Variants in ZNF518A observed in about 807,000 individuals in gnomAD.
The protein encoded by ZNF518A is zinc finger protein 518.
Under a neutral mutation model 102.7 loss-of-function variants are expected in ZNF518A, and 47 were observed. The observed-to-expected ratio is 0.46, with a 90% CI of 0.36 to 0.58. The LOEUF (loss-of-function observed/expected upper bound fraction) is 0.58. ZNF518A is among the 20% of genes least tolerant of loss of function. The pLI is 0.00. For missense variants in ZNF518A, 1,793 were observed against 1,699.8 expected (o/e 1.05, Z -0.96); for synonymous variants, 652 against 594.6 (o/e 1.10, Z -1.40).
rs1401834233 is a variant in ZNF518A at position 96,159,615 on chromosome 10, T to C, written c.3293T>C (p.Leu1098Ser). The C allele has an allele frequency of 1.2e-6, 2 of 1,613,872 alleles. No individual in the cohort carries two copies. Among genetic ancestry groups the C allele is most frequent in the African/African-American group, 2.7e-5 (2 of 75,056 alleles). Residue 1098 changes from leucine (L) to serine (S), a missense_variant, in exon 6 of 6, where the codon TTG becomes TCG. By Grantham distance (145) the Leu-to-Ser change is moderately radical. Around this residue, in one of 3 missense-constraint regions of ZNF518A, gnomAD observed 1,741 missense variants for 1,622.6 expected, o/e 1.07. Transcript: ENST00000316045. ...IFPKPPLYTFLPDGKQAVFLK... is the reference protein window; with the variant it reads ...IFPKPPLYTFSPDGKQAVFLK... Reference sequence around the variant, plus strand: ...CCAAAACCACCTCTTTATACCTTCTTGCCTGATGGCAAACAAGCTGTTTTT... The same window carrying C: ...CCAAAACCACCTCTTTATACCTTCTCGCCTGATGGCAAACAAGCTGTTTTT...
At chr10:96,192,159 C>T (rs2083342646) in intron 1 of ZNF518A, 5 of 1,587,480 alleles carry the variant, frequency 3.1e-6, no homozygotes, top group Admixed American at 1.7e-5. Context: ...CCACTCCTCC[C>T]ATCTTCTCTC....
chr10:96,149,405 CCTAAAA>C (rs2082325472), intron 3 of ZNF518A, among the ~76,000 whole-genome samples: 1 of 152,152 alleles, frequency 6.6e-6, no homozygotes. Context: ...CCTGGTCTCC[CCTAAAA>C]CAAAGATTCG....
rs2081287022 is a variant in ZNF518A, at chr10:96,130,708, GCCCTGC to G, written c.-496_-491del. The G allele has an allele frequency of 6.6e-6, 1 of 152,334 alleles. No homozygotes were observed. Among genetic ancestry groups the G allele is most frequent in the Non-Finnish European group, 1.5e-5 (1 of 68,140 alleles). The allele number at this position is 152,334 out of a possible 1,614,324, so 9.4% of individuals were successfully genotyped here. ...ATTGGGGGCCATTTCTTGCAGAGAT[GCCCTGC>G]TCCCTGACGCGCTCGCTCTTCTCCA... On this transcript the variant is annotated 5_prime_UTR_variant, in exon 1 of 6. Transcript: ENST00000316045.
downstream of ZNF518A, among the ~76,000 whole-genome samples, chr10:96,167,028 A>G (rs1184886467): frequency 6.6e-6 from 1 of 152,226 alleles, no homozygotes; most frequent in East Asian, 1.9e-4. Flanking sequence ...GTGTTACCTA[A>G]AATGTCCAGT....
chr10:96,204,451 G>A, downstream of ZNF518A: 1 of 1,392,700 alleles, frequency 7.2e-7, no homozygotes, highest in Non-Finnish European at 1.0e-6. Flanking sequence ...GCAAGTCAGT[G>A]TCACTGTGCA....
At chr10:96,133,167 T>G (rs1341187814) in intron 2 of ZNF518A, among the ~76,000 whole-genome samples, 1 of 152,160 alleles carries the variant, frequency 6.6e-6, no homozygotes, top group Non-Finnish European at 1.5e-5. Context: ...CTATCATCCT[T>G]CTGAATAGAA....
intron 1 of ZNF518A, among the ~76,000 whole-genome samples, chr10:96,179,531 A>T (rs2083225984): frequency 6.6e-6 from 1 of 152,164 alleles, no homozygotes; most frequent in Non-Finnish European, 1.5e-5. Flanking sequence ...GTCCCCATAG[A>T]GTTTATCCAA....
At chr10:96,153,958 C>T (rs1160608973) in intron 3 of ZNF518A, among the ~76,000 whole-genome samples, 22 of 152,164 alleles carry the variant, frequency 1.4e-4, no homozygotes, top group African/African-American at 4.8e-4. Flanking sequence ...GTTTTCACAA[C>T]CATTTTGACT....
chr10:96,132,098 G>T (rs1015851099), intron 1 of ZNF518A, among the ~76,000 whole-genome samples: 3 of 151,142 alleles, frequency 2.0e-5, no homozygotes, highest in African/African-American at 7.3e-5. Flanking sequence ...GTGGCAAAGT[G>T]CTATTAGCAG....
intron 3 of ZNF518A, among the ~76,000 whole-genome samples, chr10:96,138,937 ATTTTT>A (rs782442450): frequency 1.5e-5 from 2 of 136,048 alleles, no homozygotes; most frequent in Admixed American, 7.4e-5. Context: ...AAAGTGGCGA[ATTTTT>A]TTTTTTTTTT....
At position 96,160,210 on chromosome 10, in the gene ZNF518A, T is replaced by C; in HGVS notation, c.3888T>C (p.His1296=). Residue 1296 remains histidine, a synonymous_variant, in exon 6 of 6, where the codon CAT becomes CAC. Transcript: ENST00000316045. ...QEPPRRKATL[H]RKCKEKAKPE... ...CTCCAAGAAGAAAAGCAACATTGCA[T>C]AGAAAGTGTAAAGAAAAGGCAAAAC... The C allele has an allele frequency of 1.2e-6, 2 of 1,611,640 alleles. No individual in the cohort carries two copies. The highest frequency in any genetic ancestry group is 1.7e-6 in the Non-Finnish European group (2 of 1,178,946).
intron 1 of ZNF518A, among the ~76,000 whole-genome samples, chr10:96,180,156 A>G (rs2083230860): frequency 6.9e-6 from 1 of 145,082 alleles, no homozygotes; most frequent in South Asian, 2.2e-4. Context: ...CTGGGGTTAC[A>G]GGCATGAACC....
At chr10:96,139,326 C>T (rs959096224) in intron 3 of ZNF518A, among the ~76,000 whole-genome samples, 1 of 152,076 alleles carries the variant, frequency 6.6e-6, no homozygotes, top group African/African-American at 2.4e-5. Flanking sequence ...CAAATTGATA[C>T]ATTGAAACCT....
Position 96,161,621 on chromosome 10 carries a change from A to T in ZNF518A, c.*847A>T, listed in dbSNP as rs2083003687. The T allele has an allele frequency of 1.2e-5, 2 of 166,766 alleles. No individual in the cohort carries two copies. Among genetic ancestry groups the T allele is most frequent in the Non-Finnish European group, 2.9e-5 (2 of 68,000 alleles). 10.3% of individuals were successfully genotyped at this position (166,766 alleles called of 1,614,324 possible). ...GTTTGTCCTCCATAAACAAATGGCC[A>T]TTTTTTTCTTCTTGGTTCCCATCCC... is the stretch of plus-strand genomic sequence containing the variant. On this transcript the variant is annotated 3_prime_UTR_variant, in exon 6 of 6. Coordinates refer to ENST00000316045, the MANE Select transcript of ZNF518A (RefSeq NM_001330736.2).
intron 3 of ZNF518A, among the ~76,000 whole-genome samples, chr10:96,145,622 C>A (rs187125841): frequency 1.3e-5 from 2 of 152,164 alleles, no homozygotes; most frequent in African/African-American, 4.8e-5. Context: ...TGACTGGGTA[C>A]GTGTGTGTTG....
rs149043414 is a variant in ZNF518A, at chr10:96,191,434, C to CAT, written n.36-12127_36-12126dup. Among the ~76,000 whole-genome samples, 251 of 150,446 alleles carry CAT rather than the reference C, an allele frequency of 1.7e-3. 2 individuals are homozygous for CAT. The highest frequency in any genetic ancestry group is 2.6e-3 in the Non-Finnish European group (178 of 67,494). On this transcript the variant is annotated intron_variant and non_coding_transcript_variant, in intron 1 of 2. Coordinates refer to the ZNF518A transcript ENST00000442635. ...CAAGAACTTATAGAAAGTTCATATC[C>CAT]ATATATATATATATCCCATGGTTGA...
intron 1 of ZNF518A, among the ~76,000 whole-genome samples, chr10:96,176,455 A>C (rs587618995): frequency 1.3e-5 from 2 of 152,338 alleles, no homozygotes; most frequent in South Asian, 2.1e-4. Flanking sequence ...CGGGAAAAGC[A>C]TGAAGAAAAC....
intron 1 of ZNF518A, among the ~76,000 whole-genome samples, chr10:96,191,232 C>CCT (rs2083323600): frequency 8.2e-6 from 1 of 122,266 alleles, no homozygotes; most frequent in Non-Finnish European, 1.7e-5. Context: ...GTCCATTAAA[C>CCT]CTCTTTTTTT....
chr10:96,201,807 A>G (rs1472798917), intron 1 of ZNF518A, among the ~76,000 whole-genome samples: 1 of 152,232 alleles, frequency 6.6e-6, no homozygotes, highest in Non-Finnish European at 1.5e-5. Flanking sequence ...CATTGGGGAT[A>G]TACAGCAGTT....
Sources: gnomAD v4.1 joint callset for allele counts (sites outside exome capture counted in the v4.1 genomes callset) on GRCh38, gnomAD v4.1.1 for gene constraint, gnomAD v4.1.1 regional missense constraint, MANE v1.5 for transcripts, NCBI Gene and HGNC (gene_info 2026-07-23, HGNC 2026-07-21) for gene names.